The following CADPS variants were observed in gnomAD, a reference collection of about 807,000 sequenced individuals.
The protein encoded by CADPS is calcium dependent secretion activator.
In CADPS, 57 loss-of-function variants were observed where a neutral mutation model predicts 167.3. That is an observed-to-expected ratio of 0.34 (90% confidence interval 0.28 to 0.42). CADPS has a LOEUF of 0.42. Among genes scored for constraint, CADPS ranks in the 20% least tolerant of loss-of-function variants. The pLI is 1.00. For missense variants in CADPS, 1,414 were observed against 1,738.1 expected (o/e 0.81, Z 3.32); for synonymous variants, 676 against 635.3 (o/e 1.06, Z -0.96).
chr3:62,435,400 A>G (rs1042740719), intron 28 of CADPS, among the ~76,000 whole-genome samples: 17 of 152,242 alleles, frequency 1.1e-4, no homozygotes, highest in African/African-American at 4.1e-4. Context: ...ACATGTTGGT[A>G]ATCTGATGTT....
At chr3:62,744,948 G>C (rs932559123) in intron 3 of CADPS, among the ~76,000 whole-genome samples, 2 of 152,198 alleles carry the variant, frequency 1.3e-5, no homozygotes, top group Non-Finnish European at 2.9e-5. Flanking sequence ...ACAAGTGATA[G>C]AGAAGTAAGA....
At chr3:62,744,170 TATA>T (rs1266067997) in intron 3 of CADPS, among the ~76,000 whole-genome samples, 7 of 152,122 alleles carry the variant, frequency 4.6e-5, no homozygotes, top group African/African-American at 1.7e-4. Context: ...TGATGATGCA[TATA>T]AAGTATTAGG....
chr3:62,815,625 A>G (rs1211431905), intron 1 of CADPS, among the ~76,000 whole-genome samples: 1 of 151,760 alleles, frequency 6.6e-6, no homozygotes, highest in Non-Finnish European at 1.5e-5. Flanking sequence ...GCTATCATAC[A>G]CTCCTGCCCC....
At chr3:62,658,727 C>A (rs1323827644) in intron 4 of CADPS, among the ~76,000 whole-genome samples, 1 of 152,164 alleles carries the variant, frequency 6.6e-6, no homozygotes, top group Admixed American at 6.5e-5. Flanking sequence ...TTCCCACCCT[C>A]ACCCTAAATG....
chr3:62,630,769 G>A (rs1187051494), intron 6 of CADPS, among the ~76,000 whole-genome samples: 11 of 152,150 alleles, frequency 7.2e-5, no homozygotes, highest in Non-Finnish European at 1.6e-4. Context: ...AAAAAAATCA[G>A]TGCAAATAAC....
At chr3:62,789,621 C>T (rs2092760953) in intron 1 of CADPS, among the ~76,000 whole-genome samples, 1 of 152,120 alleles carries the variant, frequency 6.6e-6, no homozygotes, top group South Asian at 2.1e-4. Flanking sequence ...GTGCAGAAGC[C>T]AGCTTCACAC....
At chr3:62,506,509 G>C (rs533774608) in intron 17 of CADPS, among the ~76,000 whole-genome samples, 1 of 152,278 alleles carries the variant, frequency 6.6e-6, no homozygotes, top group South Asian at 2.1e-4. Flanking sequence ...TCTCTAATTT[G>C]GTATTGTATG....
intron 1 of CADPS, among the ~76,000 whole-genome samples, chr3:62,846,716 T>C (rs1279490436): frequency 3.3e-5 from 5 of 152,258 alleles, no homozygotes; most frequent in Non-Finnish European, 7.4e-5. Flanking sequence ...CACCTAGGAG[T>C]GCAGTGGCAC....
chr3:62,636,029 A>G (rs1287678498), intron 6 of CADPS, among the ~76,000 whole-genome samples: 1 of 152,170 alleles, frequency 6.6e-6, no homozygotes. Flanking sequence ...GTTCACACCA[A>G]CTGACTTTGA....
intron 1 of CADPS, among the ~76,000 whole-genome samples, chr3:62,864,316 G>C (rs1398459974): frequency 1.3e-5 from 2 of 152,206 alleles, no homozygotes; most frequent in Admixed American, 1.3e-4. Context: ...AGAGATGTTA[G>C]TAGCTAAAGT....
chr3:62,558,706 C>T (rs917488001), intron 9 of CADPS, among the ~76,000 whole-genome samples: 6 of 152,038 alleles, frequency 3.9e-5, no homozygotes, highest in East Asian at 1.9e-4. Context: ...GAAGGGTGTC[C>T]GCAGGAGGAT....
chr3:62,785,628 TAAG>T (rs895300702), intron 1 of CADPS, among the ~76,000 whole-genome samples: 3 of 152,174 alleles, frequency 2.0e-5, no homozygotes, highest in African/African-American at 7.2e-5. Context: ...AAGCTGATGA[TAAG>T]AAAGTAAGCA....
At position 62,578,381 on chromosome 3, in the gene CADPS, C is replaced by G. The variant is rs558916651; in HGVS notation, c.1577+6804G>C. ...ATCCCAGCACTTTGGGAGGCTGAGG[C>G]AGGCAGATCATGAGGTCAGGAGATC... On this transcript the variant is annotated intron_variant, in intron 8 of 29. Transcript: ENST00000383710. 1.1e-4 allele frequency among the ~76,000 whole-genome samples: 17 copies of G among 151,940 alleles called. No homozygotes were observed. In the East Asian group the frequency reaches 3.3e-3, roughly 29 times the overall value.
At chr3:62,450,842 G>C (rs1015887872) in intron 26 of CADPS, among the ~76,000 whole-genome samples, 2 of 152,106 alleles carry the variant, frequency 1.3e-5, no homozygotes, top group Non-Finnish European at 2.9e-5. Flanking sequence ...TTTTGAGGGG[G>C]ATCCTATTAA....
At chr3:62,628,827 A>G (rs1173884741) in intron 6 of CADPS, among the ~76,000 whole-genome samples, 1 of 151,970 alleles carries the variant, frequency 6.6e-6, no homozygotes, top group African/African-American at 2.4e-5. Flanking sequence ...GGGTTTCACC[A>G]TGTTGGTCAG....
intron 28 of CADPS, among the ~76,000 whole-genome samples, chr3:62,415,514 G>A (rs925160669): frequency 1.3e-5 from 2 of 151,860 alleles, no homozygotes; most frequent in Non-Finnish European, 2.9e-5. Flanking sequence ...TGAAGAAGCC[G>A]GCAACTCGAC....
chr3:62,740,626 C>A (rs1174032192), intron 3 of CADPS, among the ~76,000 whole-genome samples: 1 of 152,094 alleles, frequency 6.6e-6, no homozygotes, highest in Non-Finnish European at 1.5e-5. Context: ...CAGCAGCTGA[C>A]CAATCAAACC....
chr3:62,837,111 T>C (rs535048264), intron 1 of CADPS, among the ~76,000 whole-genome samples: 197 of 152,340 alleles, frequency 1.3e-3, no homozygotes, highest in Non-Finnish European at 2.4e-3. Flanking sequence ...AATATGTTAA[T>C]ATTGATAACT....
intron 17 of CADPS, among the ~76,000 whole-genome samples, chr3:62,503,789 G>A (rs912277278): frequency 8.5e-5 from 13 of 152,190 alleles, no homozygotes; most frequent in Non-Finnish European, 1.6e-4. Context: ...TACAATATCA[G>A]CACAGCAAAC....
Sources: allele counts gnomAD v4.1 joint callset (sites outside exome capture counted in the v4.1 genomes callset), GRCh38; gene constraint gnomAD v4.1.1; transcripts MANE v1.5; gene names NCBI Gene and HGNC (gene_info 2026-07-23, HGNC 2026-07-21).